Variants in APP observed in about 807,000 individuals in gnomAD.
APP encodes amyloid beta precursor protein, also known as amyloid-beta precursor protein.
A neutral mutation model predicts 101.4 loss-of-function variants in APP; 31 were observed. That is an observed-to-expected ratio of 0.31 (90% CI 0.23 to 0.41). The LOEUF (loss-of-function observed/expected upper bound fraction) is 0.41, where lower values mean the gene tolerates loss of function less well. Ranked by LOEUF, APP falls within the 10% of genes least tolerant of loss-of-function variation. The pLI is 1.00. For missense variants in APP, 839 were observed against 1,003.7 expected (o/e 0.84, Z 2.22); for synonymous variants, 366 against 364.4 (o/e 1.00, Z -0.05).
At chr21:26,134,085 C>G (rs889146714) in intron 1 of APP, among the ~76,000 whole-genome samples, 1 of 152,174 alleles carries the variant, frequency 6.6e-6, no homozygotes, top group African/African-American at 2.4e-5. Flanking sequence ...CTCCTGGACT[C>G]AAGCGATCTT....
At chr21:26,017,946 T>G (rs2044175548) in intron 6 of APP, among the ~76,000 whole-genome samples, 1 of 148,158 alleles carries the variant, frequency 6.7e-6, no homozygotes, top group South Asian at 2.1e-4. Context: ...TGTGCTCACT[T>G]TTATTTTTAT....
At chr21:26,069,078 A>G (rs1211744531) in intron 3 of APP, among the ~76,000 whole-genome samples, 1 of 152,194 alleles carries the variant, frequency 6.6e-6, no homozygotes, top group Non-Finnish European at 1.5e-5. Flanking sequence ...CATTGTGAGG[A>G]GCCCAAAACA....
chr21:26,132,414 C>A (rs2062814490), intron 1 of APP, among the ~76,000 whole-genome samples: 2 of 152,166 alleles, frequency 1.3e-5, no homozygotes, highest in Admixed American at 6.5e-5. Flanking sequence ...TCATTCAAAT[C>A]AAAATCTACA....
intron 3 of APP, among the ~76,000 whole-genome samples, chr21:26,085,966 T>G (rs965067864): frequency 1.3e-5 from 2 of 152,228 alleles, no homozygotes; most frequent in African/African-American, 2.4e-5. Flanking sequence ...TTGTAATTCC[T>G]TTTTTGGATT....
rs572820661 is a variant in APP at position 26,007,444 on chromosome 21, T to A, written c.866-7262A>T. 1.6e-3 allele frequency among the ~76,000 whole-genome samples: 238 copies of A among 147,506 alleles called. 1 individual carries two copies. Among genetic ancestry groups the A allele is most frequent in the Middle Eastern group, 7.2e-3 (2 of 278 alleles). On this transcript the variant is annotated intron_variant, in intron 6 of 17. Coordinates refer to ENST00000346798, the MANE Select transcript of APP (RefSeq NM_000484.4). ...TAATTTATGTATTATATTTATAAAT[T>A]ATATATTATATACTATATATTACAA...
intron 5 of APP, among the ~76,000 whole-genome samples, chr21:26,042,377 G>A (rs1264688672): frequency 1.3e-5 from 2 of 152,152 alleles, no homozygotes; most frequent in Non-Finnish European, 2.9e-5. Flanking sequence ...GTGGAAGACG[G>A]CATGTGCATA....
intron 1 of APP, among the ~76,000 whole-genome samples, chr21:26,162,809 AT>A (rs1044237311): frequency 1.1e-4 from 16 of 143,108 alleles, no homozygotes; most frequent in Non-Finnish European, 2.1e-4. Flanking sequence ...GATGCCTTAC[AT>A]TTTTCAATGA....
intron 13 of APP, chr21:25,935,107 G>A (rs1172869478): frequency 4.6e-5 from 7 of 152,182 alleles, no homozygotes; most frequent in African/African-American, 1.7e-4. Context: ...AGCAAACTGT[G>A]TGTCAAATGC....
intron 13 of APP, among the ~76,000 whole-genome samples, chr21:25,946,473 C>G (rs1378364000): frequency 6.6e-6 from 1 of 152,088 alleles, no homozygotes; most frequent in Non-Finnish European, 1.5e-5. Context: ...TGAGACCAGC[C>G]TGGGAAACAT....
intron 1 of APP, among the ~76,000 whole-genome samples, chr21:26,151,995 G>C (rs1200523944): frequency 6.6e-6 from 1 of 152,162 alleles, no homozygotes; most frequent in Non-Finnish European, 1.5e-5. Flanking sequence ...GCACATGTCT[G>C]TCTGGGCACG....
intron 6 of APP, among the ~76,000 whole-genome samples, chr21:26,004,925 A>G (rs1277094122): frequency 1.3e-5 from 2 of 151,054 alleles, no homozygotes; most frequent in Non-Finnish European, 2.9e-5. Context: ...TCCTTGTGAT[A>G]GTCTGCTGAG....
intron 5 of APP, among the ~76,000 whole-genome samples, chr21:26,045,594 T>C (rs1008117800): frequency 2.6e-5 from 4 of 152,194 alleles, no homozygotes; most frequent in Non-Finnish European, 5.9e-5. Flanking sequence ...TACCAAATAA[T>C]CTAAAAATAT....
At chr21:25,940,363 TTTTAA>T (rs529785209) in intron 13 of APP, among the ~76,000 whole-genome samples, 172 of 152,272 alleles carry the variant, frequency 1.1e-3, no homozygotes, top group African/African-American at 3.9e-3. Flanking sequence ...AGACTGAACA[TTTTAA>T]TTTATTAGGT....
At chr21:25,952,771 G>A (rs2041147630) in intron 13 of APP, among the ~76,000 whole-genome samples, 1 of 144,912 alleles carries the variant, frequency 6.9e-6, no homozygotes, top group African/African-American at 2.8e-5. Context: ...AACAAACCAT[G>A]TTTTCTAGAA....
At chr21:26,031,778 G>A (rs1462013872) in intron 5 of APP, among the ~76,000 whole-genome samples, 2 of 152,170 alleles carry the variant, frequency 1.3e-5, no homozygotes, top group Non-Finnish European at 2.9e-5. Flanking sequence ...GACACAGCCA[G>A]TCCATATCAG....
intron 2 of APP, among the ~76,000 whole-genome samples, chr21:26,095,093 C>T (rs1337911536): frequency 6.6e-6 from 1 of 152,198 alleles, no homozygotes; most frequent in Non-Finnish European, 1.5e-5. Flanking sequence ...ATCCACCCGC[C>T]TTGGCCTCCC....
chr21:25,915,722 G>C (rs1166666411), intron 13 of APP, among the ~76,000 whole-genome samples: 3 of 152,226 alleles, frequency 2.0e-5, no homozygotes, highest in Non-Finnish European at 4.4e-5. Flanking sequence ...TAAAAAGGCA[G>C]AGGAGCAAAA....
intron 13 of APP, among the ~76,000 whole-genome samples, chr21:25,914,549 C>CTTTTTTTTTT (rs10647133): frequency 8.7e-6 from 1 of 114,810 alleles, no homozygotes; most frequent in African/African-American, 4.2e-5. Context: ...CACAAGGCGC[C>CTTTTTTTTTT]TTTTTTTTTT....
At chr21:26,169,221 G>A (rs2063685075) in intron 1 of APP, 1 of 152,282 alleles carries the variant, frequency 6.6e-6, no homozygotes. Flanking sequence ...TATACACCTA[G>A]TGGTGGGTGG....
Sources: gnomAD v4.1 joint callset for allele counts (sites outside exome capture counted in the v4.1 genomes callset) on GRCh38, gnomAD v4.1.1 for gene constraint, MANE v1.5 for transcripts, NCBI Gene and HGNC (gene_info 2026-07-23, HGNC 2026-07-21) for gene names.